The following KIRREL3 variants were observed in gnomAD, a reference collection of about 807,000 sequenced individuals.
KIRREL3 encodes kirre like nephrin family adhesion molecule 3.
Under a neutral mutation model 89.7 loss-of-function variants are expected in KIRREL3, and 36 were observed. That is an observed-to-expected ratio of 0.40 (90% CI 0.31 to 0.53). The LOEUF (loss-of-function observed/expected upper bound fraction) is 0.53, where lower values mean the gene tolerates loss of function less well. Among genes scored for constraint, KIRREL3 ranks in the 20% least tolerant of loss-of-function variants. The pLI, the probability that KIRREL3 is intolerant of heterozygous loss-of-function variation, is 0.49. For synonymous variants in KIRREL3, 445 were observed against 441.4 expected (o/e 1.01, Z -0.10); for missense variants, 864 against 1,056.6 (o/e 0.82, Z 2.53).
In KIRREL3 at chr11:126,501,114, A is replaced by G. The variant is rs1957846442; in HGVS notation, c.433+20201T>C. ...ATTTCCTTGCTGTGAGCCTTGTGCG[A>G]GGCAGGATATCTCCAGTGCAAGGAC... On this transcript the variant is annotated intron_variant, in intron 4 of 16. Coordinates refer to ENST00000525144, the MANE Select transcript of KIRREL3 (RefSeq NM_032531.4). This position sits in a 1 kb window ranked among gnomAD's most constrained non-coding sequence, Gnocchi z 5.8. Among the ~76,000 whole-genome samples, 1 of 152,108 alleles carries G rather than the reference A, an allele frequency of 6.6e-6. No homozygotes were observed.
At chr11:126,592,412 G>C (rs1942180793) in intron 1 of KIRREL3, among the ~76,000 whole-genome samples, 1 of 152,168 alleles carries the variant, frequency 6.6e-6, no homozygotes, top group Admixed American at 6.5e-5. Context: ...GCAAGGCCAA[G>C]GGAAGTCTAA....
chr11:126,634,727 T>A (rs1944193219), intron 1 of KIRREL3, among the ~76,000 whole-genome samples: 1 of 152,188 alleles, frequency 6.6e-6, no homozygotes, highest in Non-Finnish European at 1.5e-5. Flanking sequence ...CACCAAGCTC[T>A]TGCACTCCAT....
Position 126,445,096 on chromosome 11 carries a change from T to C in KIRREL3, c.1135A>G (p.Asn379Asp). 1 of 1,613,960 alleles carries C rather than the reference T, an allele frequency of 6.2e-7. No homozygotes were observed. The change falls in exon 10 of 17, where the codon AAT becomes GAT. Residue 379 changes from asparagine (N) to aspartate (D), a missense_variant. Coordinates refer to ENST00000525144, the MANE Select transcript of KIRREL3 (RefSeq NM_032531.4). ...MKRGSGVVLS[N>D]EKTLTLKSVR... ...GATTTGAGGGTCAGGGTCTTCTCATTGCTCAGGACCTAGGAGAATTGGCAG... is the reference window on the plus strand; with the variant it reads ...GATTTGAGGGTCAGGGTCTTCTCATCGCTCAGGACCTAGGAGAATTGGCAG...
chr11:126,935,053 TA>T (rs35155401), intron 1 of KIRREL3: 33 of 135,246 alleles, frequency 2.4e-4, no homozygotes, highest in Admixed American at 3.7e-4. Context: ...GACTCCGTCT[TA>T]AAAAAAAAAA....
At chr11:127,002,741 C>T (rs137912476), upstream of KIRREL3, among the ~76,000 whole-genome samples, 3 of 152,256 alleles carry the variant, frequency 2.0e-5, no homozygotes, top group African/African-American at 7.2e-5. Context: ...AAGATTTATC[C>T]TTTAAGCTGT....
At position 127,000,622 on chromosome 11, in the gene KIRREL3, A is replaced by G; in HGVS notation, c.-113T>C. ...CGGTCCTCTCGGGTTCGCGCCTACC[A>G]TCTGTCCGTCCGTGGGTCCCTCCGG... is the stretch of plus-strand genomic sequence containing the variant. On this transcript the variant is annotated 5_prime_UTR_variant, in exon 1 of 17. It removes an upstream start codon present in the reference 5' UTR. Coordinates refer to ENST00000525144, the MANE Select transcript of KIRREL3 (RefSeq NM_032531.4). This position sits in a 1 kb window ranked among gnomAD's most constrained non-coding sequence, Gnocchi z 7.1. 1 of 1,100,962 alleles carries G rather than the reference A, an allele frequency of 9.1e-7. No individual in the cohort carries two copies. Among genetic ancestry groups the G allele is most frequent in the Non-Finnish European group, 1.3e-6 (1 of 759,400 alleles). The allele number at this position is 1,100,962 out of a possible 1,614,324, so 68.2% of individuals were successfully genotyped here. A position where few individuals can be genotyped will look rare whatever the true frequency, so the allele number is the denominator to read the frequency against.
intron 4 of KIRREL3, among the ~76,000 whole-genome samples, chr11:126,503,863 C>T (rs1957940905): frequency 6.6e-6 from 1 of 151,464 alleles, no homozygotes; most frequent in Non-Finnish European, 1.5e-5. Flanking sequence ...CCCTCTTCCT[C>T]TTTCTCCCTC....
Position 126,544,681 on chromosome 11 carries a change from G to A in KIRREL3, c.134-17994C>T, listed in dbSNP as rs963397095. The stretch of plus-strand genomic sequence containing the variant: ...ATTTATTTACTCCCTCCACGGGGCT[G>A]CTTTTTGTATCTGGGCCAGTGGGTG... On this transcript the variant is annotated intron_variant, in intron 2 of 16. Transcript: ENST00000525144. The surrounding 1 kb of genome is among the most constrained non-coding windows in gnomAD (Gnocchi z 5.6). Among the ~76,000 whole-genome samples, 1 of 152,176 alleles carries A rather than the reference G, an allele frequency of 6.6e-6. No individual in the cohort carries two copies. Among genetic ancestry groups the A allele is most frequent in the Non-Finnish European group, 1.5e-5 (1 of 68,016 alleles).
At position 126,771,483 on chromosome 11, in the gene KIRREL3, T is replaced by C. The variant is rs1209610678; in HGVS notation, c.56-208571A>G. Among the ~76,000 whole-genome samples the C allele has an allele frequency of 6.6e-6, 1 of 152,206 alleles. No homozygotes were observed. Among genetic ancestry groups the C allele is most frequent in the Non-Finnish European group, 1.5e-5 (1 of 68,044 alleles). On this transcript the variant is annotated intron_variant, in intron 1 of 16. Coordinates refer to ENST00000525144, the MANE Select transcript of KIRREL3 (RefSeq NM_032531.4). This position sits in a 1 kb window ranked among gnomAD's most constrained non-coding sequence, Gnocchi z 4.4. The stretch of plus-strand genomic sequence containing the variant: ...ATCTGATAATTTCTTTGCATCTTTT[T>C]TGGCTTTGCTGTACAGATTGGTGCA...
At chr11:126,713,118 G>A (rs1947826918) in intron 1 of KIRREL3, among the ~76,000 whole-genome samples, 1 of 152,220 alleles carries the variant, frequency 6.6e-6, no homozygotes, top group Non-Finnish European at 1.5e-5. Flanking sequence ...GGCTGTGGAA[G>A]CCCACATTGC....
At chr11:126,775,331 A>G (rs1444093772) in intron 1 of KIRREL3, among the ~76,000 whole-genome samples, 2 of 152,214 alleles carry the variant, frequency 1.3e-5, no homozygotes, top group Non-Finnish European at 2.9e-5. Flanking sequence ...CCACTGAGTT[A>G]AACACCAGGC....
At chr11:126,753,156 T>C (rs1949389764) in intron 1 of KIRREL3, among the ~76,000 whole-genome samples, 1 of 152,256 alleles carries the variant, frequency 6.6e-6, no homozygotes, top group Admixed American at 6.5e-5. Context: ...GAGAAACAAA[T>C]AGGCTAAAAG....
In KIRREL3 at chr11:126,687,293, T is replaced by A. The variant is rs1946701826; in HGVS notation, c.56-124381A>T. On this transcript the variant is annotated intron_variant, in intron 1 of 16. Transcript: ENST00000525144. This position sits in a 1 kb window ranked among gnomAD's most constrained non-coding sequence, Gnocchi z 4.6. ...GTCACCCTAACTTGGGTCATTTGCA[T>A]CACAAAATTGCCTTCAAATTAGCAC... Among the ~76,000 whole-genome samples, 1 of 152,188 alleles carries A rather than the reference T, an allele frequency of 6.6e-6. No individual in the cohort carries two copies. The highest frequency in any genetic ancestry group is 1.5e-5 in the Non-Finnish European group (1 of 68,030).
chr11:126,972,361 TC>T (rs1271634424), intron 1 of KIRREL3, among the ~76,000 whole-genome samples: 1 of 152,150 alleles, frequency 6.6e-6, no homozygotes, highest in Non-Finnish European at 1.5e-5. Flanking sequence ...AAGGACTCCT[TC>T]CCACTCTATG....
At position 126,896,418 on chromosome 11, in the gene KIRREL3, C is replaced by T. The variant is rs999689057; in HGVS notation, c.55+104037G>A. On this transcript the variant is annotated intron_variant, in intron 1 of 16. Coordinates refer to ENST00000525144, the MANE Select transcript of KIRREL3 (RefSeq NM_032531.4). The surrounding 1 kb of genome is among the most constrained non-coding windows in gnomAD (Gnocchi z 4.1). Reference sequence around the variant, plus strand: ...CTCTGAGATGCTCTTTGTGGCTCTCCTGTATGCCTGTTGAGATGCCCATGC... The same window carrying T: ...CTCTGAGATGCTCTTTGTGGCTCTCTTGTATGCCTGTTGAGATGCCCATGC... Among the ~76,000 whole-genome samples the T allele has an allele frequency of 6.6e-6, 1 of 152,236 alleles. No individual in the cohort carries two copies. Among genetic ancestry groups the T allele is most frequent in the Non-Finnish European group, 1.5e-5 (1 of 68,046 alleles).
intron 1 of KIRREL3, among the ~76,000 whole-genome samples, chr11:126,856,252 T>C (rs1944502783): frequency 1.3e-5 from 2 of 151,994 alleles, no homozygotes. Context: ...ATAACCAGGA[T>C]GGGAACTAAT....
chr11:126,502,601 T>A (rs1957896755), intron 4 of KIRREL3, among the ~76,000 whole-genome samples: 1 of 152,178 alleles, frequency 6.6e-6, no homozygotes, highest in Non-Finnish European at 1.5e-5. Flanking sequence ...AATAAATAAG[T>A]GGGAAATAAA....
Position 126,516,759 on chromosome 11 carries a change from C to T in KIRREL3, c.433+4556G>A, listed in dbSNP as rs1467662965. Among the ~76,000 whole-genome samples the T allele has an allele frequency of 6.6e-6, 1 of 152,136 alleles. No individual in the cohort carries two copies. Among genetic ancestry groups the T allele is most frequent in the Non-Finnish European group, 1.5e-5 (1 of 68,020 alleles). ...TCAATATTTTTCAACCCTGGGATTC[C>T]TGTAGGTGGAAGAAGGAGCAGTCTG... On this transcript the variant is annotated intron_variant, in intron 4 of 16. Coordinates refer to ENST00000525144, the MANE Select transcript of KIRREL3 (RefSeq NM_032531.4). The surrounding 1 kb of genome is among the most constrained non-coding windows in gnomAD (Gnocchi z 4.9).
chr11:126,436,669 CTG>C, intron 12 of KIRREL3, 140 bp downstream of exon 12: 1 of 864,010 alleles, frequency 1.2e-6, no homozygotes, highest in Non-Finnish European at 1.8e-6. Flanking sequence ...GCTGGCTAGG[CTG>C]TGTGGTCAGC....
Sources: allele counts gnomAD v4.1 joint callset (sites outside exome capture counted in the v4.1 genomes callset), GRCh38; gene constraint gnomAD v4.1.1; non-coding constraint Gnocchi (gnomAD v3.1); transcripts MANE v1.5; gene names NCBI Gene and HGNC (gene_info 2026-07-23, HGNC 2026-07-21).